Variants in SMC6 observed in about 807,000 individuals in gnomAD.
The protein encoded by SMC6 is structural maintenance of chromosomes 6, also known as structural maintenance of chromosomes protein 6.
Under a neutral mutation model 142.2 loss-of-function variants are expected in SMC6, and 79 were observed. The ratio of observed to expected loss-of-function variants is 0.56; its 90% CI spans 0.46 to 0.67. The LOEUF is 0.67. Ranked by LOEUF, SMC6 falls within the 30% of genes least tolerant of loss-of-function variation. The pLI, the probability that SMC6 is intolerant of heterozygous loss-of-function variation, is 0.00. For missense variants in SMC6, 1,072 were observed against 1,284.0 expected (o/e 0.83, Z 2.52); for synonymous variants, 411 against 412.4 (o/e 1.00, Z 0.04).
At chr2:17,699,685 T>C (rs754517101) in intron 21 of SMC6, among the ~76,000 whole-genome samples, 2 of 152,126 alleles carry the variant, frequency 1.3e-5, no homozygotes, top group Non-Finnish European at 2.9e-5. Flanking sequence ...ATCAGATTTA[T>C]GAGGAATAAC....
chr2:17,695,651 G>A (rs1297121102), intron 22 of SMC6, among the ~76,000 whole-genome samples: 1 of 151,984 alleles, frequency 6.6e-6, no homozygotes, highest in Non-Finnish European at 1.5e-5. Context: ...GAGCACCAAT[G>A]GTATTAAAAA....
intron 3 of SMC6, among the ~76,000 whole-genome samples, chr2:17,744,980 G>A (rs1031079403): frequency 2.0e-4 from 31 of 152,124 alleles, no homozygotes; most frequent in African/African-American, 6.5e-4. Flanking sequence ...TCCTATCTGC[G>A]GGTTCTGCAG....
intron 16 of SMC6, chr2:17,713,435 CAT>C (rs1668926462): frequency 8.5e-6 from 4 of 469,378 alleles, no homozygotes; most frequent in South Asian, 3.1e-5. Flanking sequence ...TCCTTTGTCA[CAT>C]GTGTTTCGTG....
chr2:17,720,860 T>G, intron 11 of SMC6, 80 bp downstream of exon 11: 1 of 1,178,176 alleles, frequency 8.5e-7, no homozygotes, highest in African/African-American at 1.5e-5. Context: ...AACTGATGGT[T>G]TGGTGGGTCA....
At position 17,664,133 on chromosome 2, in the gene SMC6, A is replaced by G. The variant is rs1337906320; in HGVS notation, c.*1366T>C. On this transcript the variant is annotated 3_prime_UTR_variant, in exon 28 of 28. Coordinates refer to ENST00000448223, the MANE Select transcript of SMC6 (RefSeq NM_001142286.2). The stretch of plus-strand genomic sequence containing the variant: ...TTTGGTATACTCTACTTCATTTTTA[A>G]TTTGGAAAAGCACATGTTAAAAATA... 1 of 152,248 alleles carries G rather than the reference A, an allele frequency of 6.6e-6. No individual in the cohort carries two copies. The highest frequency in any genetic ancestry group is 1.5e-5 in the Non-Finnish European group (1 of 68,046). The allele number at this position is 152,248 out of a possible 1,614,324, so 9.4% of individuals were successfully genotyped here. A position where few individuals can be genotyped will look rare whatever the true frequency, so the allele number is the denominator to read the frequency against.
intron 5 of SMC6, among the ~76,000 whole-genome samples, chr2:17,735,639 T>A (rs575924236): frequency 1.3e-5 from 2 of 152,268 alleles, no homozygotes; most frequent in Admixed American, 6.5e-5. Flanking sequence ...CTGTATATGT[T>A]TAAAGAGAAT....
At chr2:17,725,952 C>T (rs1669595037) in intron 8 of SMC6, among the ~76,000 whole-genome samples, 1 of 151,490 alleles carries the variant, frequency 6.6e-6, no homozygotes, top group Non-Finnish European at 1.5e-5. Flanking sequence ...GCTAGACATG[C>T]TGTCACATGC....
At chr2:17,718,334 A>G in intron 11 of SMC6, 111 bp from the exon 12 acceptor site, 1 of 619,830 alleles carries the variant, frequency 1.6e-6, no homozygotes, top group Non-Finnish European at 2.5e-6. Context: ...CACTCAAGAC[A>G]TCAGGCAAAT....
At chr2:17,667,795 A>G (rs746524701) in intron 26 of SMC6, among the ~76,000 whole-genome samples, 3 of 152,208 alleles carry the variant, frequency 2.0e-5, no homozygotes, top group Non-Finnish European at 4.4e-5. Flanking sequence ...GGTCGCAGTG[A>G]GCTGAAATCA....
chr2:17,717,014 T>G, intron 13 of SMC6, 74 bp downstream of exon 13: 3 of 1,526,946 alleles, frequency 2.0e-6, no homozygotes, highest in South Asian at 2.4e-5. Context: ...ACATAAAATA[T>G]AATACTCCAA....
At chr2:17,753,413 C>A (rs1671193392) in intron 1 of SMC6, among the ~76,000 whole-genome samples, 1 of 70,996 alleles carries the variant, frequency 1.4e-5, no homozygotes, top group Admixed American at 1.1e-4. Context: ...AGACCGGTGC[C>A]GCCTCGGAGA....
intron 19 of SMC6, among the ~76,000 whole-genome samples, chr2:17,702,265 G>A (rs1305564587): frequency 5.3e-5 from 8 of 152,162 alleles, no homozygotes; most frequent in Admixed American, 5.2e-4. Flanking sequence ...CAAGTAAGCT[G>A]TGGGGGTTTC....
At chr2:17,724,627 G>A (rs1037615242) in intron 9 of SMC6, among the ~76,000 whole-genome samples, 23 of 152,168 alleles carry the variant, frequency 1.5e-4, no homozygotes, top group African/African-American at 5.6e-4. Context: ...TCAGGAATCT[G>A]AAGAAAGTAT....
At chr2:17,687,359 G>A (rs1360563872) in intron 23 of SMC6, among the ~76,000 whole-genome samples, 1 of 152,136 alleles carries the variant, frequency 6.6e-6, no homozygotes, top group Admixed American at 6.6e-5. Flanking sequence ...CACACAGAAT[G>A]ACTGAATAAA....
Position 17,665,632 on chromosome 2 carries a change from A to G in SMC6, c.3162-19T>C. The G allele has an allele frequency of 6.8e-7, 1 of 1,464,598 alleles. No homozygotes were observed. Among genetic ancestry groups the G allele is most frequent in the Non-Finnish European group, 9.4e-7 (1 of 1,065,996 alleles). 90.7% of individuals were successfully genotyped at this position (1,464,598 alleles called of 1,614,324 possible). A position where few individuals can be genotyped will look rare whatever the true frequency, so the allele number is the denominator to read the frequency against. On this transcript the variant is annotated intron_variant, in intron 27 of 27. Coordinates refer to ENST00000448223, the MANE Select transcript of SMC6 (RefSeq NM_001142286.2). ...AAGTGAACTAGAAGAAGCAAAATCA[A>G]TTACTCAAATTTCCAAGAAACCTTT... is the stretch of plus-strand genomic sequence containing the variant.
intron 16 of SMC6, among the ~76,000 whole-genome samples, chr2:17,710,008 T>TCA (rs1668746362): frequency 6.6e-6 from 1 of 151,886 alleles, no homozygotes; most frequent in Non-Finnish European, 1.5e-5. Flanking sequence ...GGCCTAGAGG[T>TCA]CACAGTCAGC....
At chr2:17,750,489 T>C (rs1670969804) in intron 2 of SMC6, among the ~76,000 whole-genome samples, 1 of 152,242 alleles carries the variant, frequency 6.6e-6, no homozygotes, top group Non-Finnish European at 1.5e-5. Context: ...CTTGAATTTA[T>C]GTAGCTACAA....
Position 17,707,345 on chromosome 2 carries a change from T to C in SMC6, c.1880A>G (p.Gln627Arg). ...TTCTCTACAATTTTTGGGTGGCTTT[T>C]GGGACTGCATTACTGCACGAGCTAC... ...NSVARAVMQS[Q>R]KPPKNCREAF... The change falls in exon 18 of 28, where the codon CAA (glutamine) becomes CGA (arginine). Residue 627 changes from glutamine (Q) to arginine (R), a missense_variant. This residue lies in a region of SMC6 where 994 missense variants were observed against 1,153.2 expected (regional missense o/e 0.86). Transcript: ENST00000448223. The C allele has an allele frequency of 6.3e-7, 1 of 1,597,892 alleles. No individual in the cohort carries two copies. Among genetic ancestry groups the C allele is most frequent in the Admixed American group, 1.7e-5 (1 of 57,338 alleles).
chr2:17,671,022 C>G (rs2103471705), intron 25 of SMC6, among the ~76,000 whole-genome samples: 1 of 150,198 alleles, frequency 6.7e-6, no homozygotes, highest in East Asian at 2.0e-4. Flanking sequence ...CCACCACGGC[C>G]AGCTAATTTT....
Sources: allele counts gnomAD v4.1 joint callset (sites outside exome capture counted in the v4.1 genomes callset), GRCh38; gene constraint gnomAD v4.1.1; regional missense constraint gnomAD v4.1.1; transcripts MANE v1.5; gene names NCBI Gene and HGNC (gene_info 2026-07-23, HGNC 2026-07-21).